PRKAA1: variants seen among roughly 807,000 people sequenced by gnomAD.
PRKAA1 encodes the protein 5'-AMP-activated protein kinase catalytic subunit alpha-1.
A neutral mutation model predicts 56.9 loss-of-function variants in PRKAA1; 23 were observed. The observed-to-expected ratio is 0.40, with a 90% CI of 0.29 to 0.57. PRKAA1 has a LOEUF of 0.57. Among genes scored for constraint, PRKAA1 ranks in the 20% least tolerant of loss-of-function variants. The pLI is 0.39. For missense variants in PRKAA1, 413 were observed against 679.7 expected, an observed-to-expected ratio of 0.61 and a Z score of 4.36; for synonymous variants, 226 against 227.0, an observed-to-expected ratio of 1.00 and a Z score of 0.04.
intron 3 of PRKAA1, chr5:40,775,024 G>C (rs765406570): frequency 7.9e-7 from 1 of 1,258,362 alleles, no homozygotes; most frequent in Non-Finnish European, 1.1e-6. Context: ...TGACTAGCAA[G>C]GCCTAGATCT....
chr5:40,775,230 T>C (rs1743944761), intron 3 of PRKAA1, among the ~76,000 whole-genome samples, 180 bp downstream of exon 3: 1 of 152,210 alleles, frequency 6.6e-6, no homozygotes, highest in Non-Finnish European at 1.5e-5. Context: ...ATAAACAGGC[T>C]AAGGAGATAA....
intron 1 of PRKAA1, among the ~76,000 whole-genome samples, chr5:40,795,850 T>C (rs1370628985): frequency 2.0e-5 from 3 of 152,224 alleles, no homozygotes; most frequent in Non-Finnish European, 4.4e-5. Context: ...TTGTTGACTT[T>C]AACAGAATAT....
At chr5:40,785,662 G>A (rs538843731) in intron 1 of PRKAA1, among the ~76,000 whole-genome samples, 10 of 152,126 alleles carry the variant, frequency 6.6e-5, no homozygotes, top group South Asian at 4.1e-4. Flanking sequence ...AGTGAATAAC[G>A]TCCCCACAAA....
chr5:40,768,419 A>G lies in PRKAA1; in HGVS notation c.597-729T>C, dbSNP rs143925729. The G allele has an allele frequency of 1.5e-5, 14 of 921,278 alleles. No homozygotes were observed. In the African/African-American group the frequency reaches 1.6e-4, roughly 11 times the overall value. The allele number at this position is 921,278 out of a possible 1,614,324, so 57.1% of individuals were successfully genotyped here. A position where few individuals can be genotyped will look rare whatever the true frequency, so the allele number is the denominator to read the frequency against. On this transcript the variant is annotated intron_variant, in intron 5 of 8. Coordinates refer to ENST00000397128, the MANE Select transcript of PRKAA1 (RefSeq NM_006251.6). ...AACATTTCTTTTTATTTATTTAAATAACAACTTTCCACAGTCTCCATGTCC... is the reference window on the plus strand; with the variant it reads ...AACATTTCTTTTTATTTATTTAAATGACAACTTTCCACAGTCTCCATGTCC...
chr5:40,771,507 A>C (rs1428497441), intron 4 of PRKAA1, among the ~76,000 whole-genome samples: 1 of 152,176 alleles, frequency 6.6e-6, no homozygotes, highest in Non-Finnish European at 1.5e-5. Flanking sequence ...GCCTCTATAA[A>C]ATAATAGTAA....
intron 1 of PRKAA1, among the ~76,000 whole-genome samples, chr5:40,778,207 C>T (rs1458323104): frequency 2.0e-5 from 3 of 152,126 alleles, no homozygotes; most frequent in Non-Finnish European, 4.4e-5. Flanking sequence ...CCAGATTGCA[C>T]CACTGCACTC....
At chr5:40,764,391 C>T in intron 8 of PRKAA1, 123 bp downstream of exon 8, 1 of 922,588 alleles carries the variant, frequency 1.1e-6, no homozygotes, top group South Asian at 2.2e-5. Flanking sequence ...CAAGAAATCA[C>T]ATTTTTTATT....
At chr5:40,795,549 T>A (rs1445231299) in intron 1 of PRKAA1, among the ~76,000 whole-genome samples, 1 of 152,074 alleles carries the variant, frequency 6.6e-6, no homozygotes, top group East Asian at 1.9e-4. Context: ...AACTGGCACA[T>A]GGCATTCCTA....
chr5:40,763,499 T>C (rs1032735489), intron 8 of PRKAA1, among the ~76,000 whole-genome samples: 1 of 152,190 alleles, frequency 6.6e-6, no homozygotes, highest in African/African-American at 2.4e-5. Flanking sequence ...AACCCAACTC[T>C]CCTAAGTCTC....
At chr5:40,774,829 G>A in intron 3 of PRKAA1, 1 of 950,860 alleles carries the variant, frequency 1.1e-6, no homozygotes, top group East Asian at 2.5e-5. Flanking sequence ...AGTATGGGCA[G>A]AGGGCAGTGT....
At chr5:40,768,968 T>C (rs1487708658) in intron 5 of PRKAA1, 2 of 1,417,786 alleles carry the variant, frequency 1.4e-6, no homozygotes, top group Non-Finnish European at 1.9e-6. Context: ...AGATTCAACA[T>C]AAATGAAGTC....
In PRKAA1 at chr5:40,759,742, A is replaced by G. The variant is rs1229018209; in HGVS notation, c.*3036T>C. 6.6e-6 allele frequency: 1 copy of G among 152,352 alleles called. No individual in the cohort carries two copies. Among genetic ancestry groups the G allele is most frequent in the Non-Finnish European group, 1.5e-5 (1 of 68,026 alleles). The allele number at this position is 152,352 out of a possible 1,614,324, so 9.4% of individuals were successfully genotyped here. Reference sequence around the variant, plus strand: ...GTAAATGGTGTCACTACAACATCAAAAAGAGCAGTGCTAGGCAGAGGATTT... The same window carrying G: ...GTAAATGGTGTCACTACAACATCAAGAAGAGCAGTGCTAGGCAGAGGATTT... On this transcript the variant is annotated 3_prime_UTR_variant, in exon 9 of 9. Coordinates refer to ENST00000397128, the MANE Select transcript of PRKAA1 (RefSeq NM_006251.6).
At chr5:40,785,872 A>AGG (rs1188239725) in intron 1 of PRKAA1, among the ~76,000 whole-genome samples, 30 of 146,650 alleles carry the variant, frequency 2.0e-4, no homozygotes, top group African/African-American at 6.8e-4. Flanking sequence ...AGAGAGAGAG[A>AGG]GAGAGAGCAA....
At position 40,798,100 on chromosome 5, in the gene PRKAA1, A is replaced by C; in HGVS notation, c.90T>G (p.Gly30=). Residue 30 remains glycine (G), a synonymous_variant, in exon 1 of 9, where the codon GGT becomes GGG. Coordinates refer to ENST00000397128, the MANE Select transcript of PRKAA1 (RefSeq NM_006251.6). ...CGAAGGTGCCGACCCCCAGCGTGTC[A>C]CCCAGAATGTAGTGGCCGATCTTCA... is the stretch of plus-strand genomic sequence containing the variant. ...GRVKIGHYIL[G]DTLGVGTFGK... 1 of 1,605,554 alleles carries C rather than the reference A, an allele frequency of 6.2e-7. No homozygotes were observed. The highest frequency in any genetic ancestry group is 2.3e-5 in the East Asian group (1 of 43,954).
chr5:40,769,037 C>G, intron 5 of PRKAA1: 1 of 844,162 alleles, frequency 1.2e-6, no homozygotes, highest in Non-Finnish European at 1.8e-6. Context: ...AAAGGTACTA[C>G]AAAATGCCAT....
At chr5:40,797,585 C>A (rs1744983006) in intron 1 of PRKAA1, among the ~76,000 whole-genome samples, 2 of 152,206 alleles carry the variant, frequency 1.3e-5, no homozygotes, top group Non-Finnish European at 2.9e-5. Context: ...ACAGCAGGGG[C>A]CGGTAAATCG....
intron 1 of PRKAA1, among the ~76,000 whole-genome samples, chr5:40,782,215 C>G (rs1025789386): frequency 6.6e-6 from 1 of 152,178 alleles, no homozygotes; most frequent in Non-Finnish European, 1.5e-5. Flanking sequence ...TCCTATGATA[C>G]CCTGCTCAAC....
chr5:40,770,103 T>C, intron 4 of PRKAA1, among the ~76,000 whole-genome samples: 1 of 90,074 alleles, frequency 1.1e-5, no homozygotes, highest in Admixed American at 1.4e-4. Flanking sequence ...TCTCTGAACA[T>C]TTAAATAGAT....
chr5:40,769,890 A>C (rs139348221), intron 4 of PRKAA1, among the ~76,000 whole-genome samples: 4,431 of 150,766 alleles, frequency 0.029, 62 homozygotes, highest in East Asian at 0.062. Context: ...AAAAAAAAAA[A>C]AAAAAAAAAA....
Sources: allele counts gnomAD v4.1 joint callset (sites outside exome capture counted in the v4.1 genomes callset), GRCh38; gene constraint gnomAD v4.1.1; transcripts MANE v1.5; gene names NCBI Gene and HGNC (gene_info 2026-07-23, HGNC 2026-07-21).